The following LINC00305 variants were observed in gnomAD, a reference collection of about 807,000 sequenced individuals.
LINC00305 encodes long independently transcribed non-coding RNA 305, also known as long intergenic non-protein coding RNA 305.
intron 1 of LINC00305, among the ~76,000 whole-genome samples, chr18:64,143,534 CAT>C (rs1305188656): frequency 8.7e-6 from 1 of 114,304 alleles, no homozygotes; most frequent in Admixed American, 8.1e-5. Context: ...ATTATGTGTA[CAT>C]ATATATGTAC....
At chr18:64,121,060 A>C (rs1185003557) in intron 1 of LINC00305, among the ~76,000 whole-genome samples, 1 of 152,160 alleles carries the variant, frequency 6.6e-6, no homozygotes, top group Non-Finnish European at 1.5e-5. Context: ...GCAATGAATC[A>C]TCTATTCCCC....
At chr18:64,088,123 G>A (rs1004457273) in intron 3 of LINC00305, among the ~76,000 whole-genome samples, 1 of 151,516 alleles carries the variant, frequency 6.6e-6, no homozygotes, top group African/African-American at 2.4e-5. Flanking sequence ...CTGGGCGACA[G>A]AGCGAGACTC....
chr18:64,088,486 C>T (rs1010926258), intron 3 of LINC00305, among the ~76,000 whole-genome samples: 2 of 152,220 alleles, frequency 1.3e-5, no homozygotes, highest in Non-Finnish European at 2.9e-5. Flanking sequence ...TAGTGCAATG[C>T]ACAAAATCCT....
chr18:64,139,014 A>G (rs2051448585), intron 1 of LINC00305, among the ~76,000 whole-genome samples: 1 of 152,210 alleles, frequency 6.6e-6, no homozygotes, highest in South Asian at 2.1e-4. Flanking sequence ...GAACCGCCAC[A>G]GGCAACTCCT....
At chr18:64,137,949 T>C (rs1318873190) in intron 1 of LINC00305, among the ~76,000 whole-genome samples, 1 of 152,178 alleles carries the variant, frequency 6.6e-6, no homozygotes, top group East Asian at 1.9e-4. Context: ...TTCTTTGTTT[T>C]AGAGTATTGC....
intron 1 of LINC00305, among the ~76,000 whole-genome samples, chr18:64,111,801 G>T (rs1481638452): frequency 6.6e-6 from 1 of 152,222 alleles, no homozygotes; most frequent in Admixed American, 6.5e-5. Context: ...GTGTTTCCAC[G>T]CCAGGTTTCC....
chr18:64,141,014 G>T (rs897673667), intron 1 of LINC00305, among the ~76,000 whole-genome samples: 3 of 134,200 alleles, frequency 2.2e-5, no homozygotes, highest in African/African-American at 5.7e-5. Flanking sequence ...ACCTAGCGCC[G>T]CAAGGAACCA....
intron 1 of LINC00305, among the ~76,000 whole-genome samples, chr18:64,127,958 T>C (rs368918338): frequency 6.6e-6 from 1 of 152,052 alleles, no homozygotes; most frequent in East Asian, 1.9e-4. Context: ...GGGAGGTTGA[T>C]TTCAGTTTTA....
rs561334052 is a variant in LINC00305, at chr18:64,092,109, A to G, written n.540+5725T>C. Among the ~76,000 whole-genome samples, 20 of 152,254 alleles carry G rather than the reference A, an allele frequency of 1.3e-4. No individual in the cohort carries two copies. In the South Asian group the frequency reaches 3.5e-3, roughly 27 times the overall value. ...CCAACATTTCCCTTAGGTTAATTTC[A>G]CCTATGTCACCTCCTTTGGCTTTTC... is the stretch of plus-strand genomic sequence containing the variant. On this transcript the variant is annotated intron_variant and non_coding_transcript_variant, in intron 3 of 3. Coordinates refer to ENST00000666468, the Ensembl canonical transcript of LINC00305.
chr18:64,105,030 C>T (rs1042088412), intron 1 of LINC00305, among the ~76,000 whole-genome samples: 3 of 152,046 alleles, frequency 2.0e-5, no homozygotes, highest in Admixed American at 6.6e-5. Context: ...CCCAGCTCCC[C>T]TCTCTTTACC....
chr18:64,098,870 C>A (rs2051257414), intron 1 of LINC00305, among the ~76,000 whole-genome samples: 1 of 152,030 alleles, frequency 6.6e-6, no homozygotes, highest in African/African-American at 2.4e-5. Flanking sequence ...TTAAATTTGA[C>A]AAAAATATTG....
chr18:64,108,351 A>G (rs1264719664), intron 1 of LINC00305, among the ~76,000 whole-genome samples: 1 of 152,254 alleles, frequency 6.6e-6, no homozygotes, highest in Admixed American at 6.5e-5. Context: ...AGTGCAACAC[A>G]TGAGTATTAT....
intron 1 of LINC00305, among the ~76,000 whole-genome samples, chr18:64,138,832 C>T (rs1340422206): frequency 6.6e-6 from 1 of 152,128 alleles, no homozygotes; most frequent in Non-Finnish European, 1.5e-5. Context: ...ACTCAACCAC[C>T]ACTTATTGTT....
intron 1 of LINC00305, among the ~76,000 whole-genome samples, chr18:64,119,774 A>G (rs2051353551): frequency 6.6e-6 from 1 of 152,094 alleles, no homozygotes. Flanking sequence ...GCAGTTGGCA[A>G]GAAACCGAAA....
At chr18:64,097,852 G>A (rs545510055) in exon 3 of LINC00305, 7 of 457,904 alleles carry the variant, frequency 1.5e-5, no homozygotes, top group Admixed American at 7.0e-5. Flanking sequence ...TTCATTGAGA[G>A]CATGTAGAAT....
chr18:64,104,299 T>G (rs1451433605), intron 1 of LINC00305: 1 of 152,256 alleles, frequency 6.6e-6, no homozygotes, highest in African/African-American at 2.4e-5. Flanking sequence ...TTCTGAAGTC[T>G]GCATCTTCTC....
Position 64,138,312 on chromosome 18 carries a change from C to T in LINC00305, n.314+10463G>A, listed in dbSNP as rs184449817. ...AGTCCAGAATTGTGCTGTAGTCTTT[C>T]TGTCTGCCTACTATTATTTGAATTT... is the stretch of plus-strand genomic sequence containing the variant. On this transcript the variant is annotated intron_variant and non_coding_transcript_variant, in intron 1 of 3. Coordinates refer to ENST00000666468, the Ensembl canonical transcript of LINC00305. Among the ~76,000 whole-genome samples the T allele has an allele frequency of 1.2e-4, 19 of 152,304 alleles. No individual in the cohort carries two copies. The East Asian group carries it at 3.7e-3, about 29-fold the overall frequency.
At chr18:64,145,720 C>G (rs184753024) in intron 1 of LINC00305, among the ~76,000 whole-genome samples, 2 of 152,272 alleles carry the variant, frequency 1.3e-5, no homozygotes, top group Admixed American at 6.5e-5. Flanking sequence ...CTGGCCAGAA[C>G]TGTACATTAT....
At chr18:64,097,645 A>G (rs1212355479) in intron 3 of LINC00305, among the ~76,000 whole-genome samples, 1 of 152,068 alleles carries the variant, frequency 6.6e-6, no homozygotes, top group Non-Finnish European at 1.5e-5. Flanking sequence ...AAGAGCCTAT[A>G]AAGAACTACT....
Sources: gnomAD v4.1 joint callset for allele counts (sites outside exome capture counted in the v4.1 genomes callset) on GRCh38, gnomAD v4.1.1 for gene constraint, MANE v1.5 for transcripts, NCBI Gene and HGNC (gene_info 2026-07-23, HGNC 2026-07-21) for gene names.